Variants in FRMD4A observed in about 807,000 individuals in gnomAD.
The protein encoded by FRMD4A is FERM domain containing 4A, also known as FERM domain-containing protein 4A.
FRMD4A carries 29 observed loss-of-function variants against 129.1 expected under a neutral mutation model. That is an observed-to-expected ratio of 0.22 (90% CI 0.17 to 0.31). The LOEUF is 0.31. Among genes scored for constraint, FRMD4A ranks in the 10% least tolerant of loss-of-function variants. The pLI is 1.00. For synonymous variants in FRMD4A, 634 were observed against 571.6 expected, an observed-to-expected ratio of 1.11 and a Z score of -1.56; for missense variants, 1,272 against 1,375.8, an observed-to-expected ratio of 0.92 and a Z score of 1.19.
intron 2 of FRMD4A, among the ~76,000 whole-genome samples, chr10:14,164,974 C>T (rs980776307): frequency 6.6e-5 from 10 of 152,006 alleles, no homozygotes; most frequent in African/African-American, 2.4e-4. Context: ...CCCAGGAAAC[C>T]CAAAAGATTG....
intron 2 of FRMD4A, among the ~76,000 whole-genome samples, chr10:14,209,656 G>A (rs1191324478): frequency 2.0e-5 from 3 of 150,816 alleles, no homozygotes; most frequent in Non-Finnish European, 2.9e-5. Flanking sequence ...AGGAGGCGGA[G>A]CTTGCAGTGA....
At chr10:13,964,635 T>G (rs942962307) in intron 2 of FRMD4A, among the ~76,000 whole-genome samples, 3 of 152,064 alleles carry the variant, frequency 2.0e-5, no homozygotes, top group Non-Finnish European at 4.4e-5. Flanking sequence ...AAGTGAGATA[T>G]TTTAATTGTC....
intron 2 of FRMD4A, among the ~76,000 whole-genome samples, chr10:14,092,844 A>G (rs1836735467): frequency 6.6e-6 from 1 of 152,208 alleles, no homozygotes; most frequent in Non-Finnish European, 1.5e-5. Flanking sequence ...GCAAGATAGG[A>G]CTAGATGAGG....
chr10:14,175,124 A>C (rs1589128731), intron 2 of FRMD4A, among the ~76,000 whole-genome samples: 1 of 152,210 alleles, frequency 6.6e-6, no homozygotes, highest in East Asian at 1.9e-4. Flanking sequence ...ATAATTCAAC[A>C]TCTCTACTTC....
At chr10:13,779,385 C>T (rs1397200452) in intron 6 of FRMD4A, among the ~76,000 whole-genome samples, 1 of 152,060 alleles carries the variant, frequency 6.6e-6, no homozygotes, top group African/African-American at 2.4e-5. Context: ...AAATTCCTTA[C>T]TGAGATCACA....
At chr10:14,271,904 T>C (rs1388428917) in intron 2 of FRMD4A, among the ~76,000 whole-genome samples, 1 of 152,190 alleles carries the variant, frequency 6.6e-6, no homozygotes, top group East Asian at 1.9e-4. Context: ...TTATGAAGTC[T>C]TATCAGTGGA....
intron 15 of FRMD4A, among the ~76,000 whole-genome samples, chr10:13,688,028 A>G (rs1589379819): frequency 6.6e-6 from 1 of 152,164 alleles, no homozygotes; most frequent in Admixed American, 6.6e-5. Flanking sequence ...CCTGATCTCA[A>G]GCCTTAACCA....
At chr10:14,212,457 C>A (rs1300947605) in intron 2 of FRMD4A, among the ~76,000 whole-genome samples, 2 of 152,058 alleles carry the variant, frequency 1.3e-5, no homozygotes, top group Non-Finnish European at 2.9e-5. Context: ...CTCATTTCCC[C>A]CTTAATGGAA....
chr10:13,772,874 C>A (rs534693382), intron 6 of FRMD4A, among the ~76,000 whole-genome samples: 2 of 151,972 alleles, frequency 1.3e-5, no homozygotes, highest in Non-Finnish European at 2.9e-5. Context: ...ATGAATAAGA[C>A]CTAGTATTTG....
At chr10:14,209,673 AT>A (rs1032694360) in intron 2 of FRMD4A, among the ~76,000 whole-genome samples, 1 of 146,912 alleles carries the variant, frequency 6.8e-6, no homozygotes, top group Admixed American at 7.0e-5. Context: ...GTGAGCTGAG[AT>A]TGTGCCATTG....
At chr10:13,889,265 T>A (rs900794134) in intron 2 of FRMD4A, among the ~76,000 whole-genome samples, 2 of 152,236 alleles carry the variant, frequency 1.3e-5, no homozygotes, top group African/African-American at 4.8e-5. Flanking sequence ...ACTTTTTGCA[T>A]CCACTCCTTA....
chr10:14,301,622 AT>A lies in FRMD4A; in HGVS notation c.45+28435del, dbSNP rs571546393. ...TTCTGCATCTAATGATTTCTGTTGGATTTTTTTTCATTTGCATTATCTTCTT... is the reference window on the plus strand; with the variant it reads ...TTCTGCATCTAATGATTTCTGTTGGATTTTTTTCATTTGCATTATCTTCTT... On this transcript the variant is annotated intron_variant, in intron 2 of 24. Coordinates refer to ENST00000357447, the MANE Select transcript of FRMD4A (RefSeq NM_018027.5). Among the ~76,000 whole-genome samples the A allele has an allele frequency of 9.2e-5, 14 of 152,130 alleles. No individual in the cohort carries two copies. In the South Asian group the frequency reaches 1.2e-3, roughly 14 times the overall value.
rs551011444 is a variant in FRMD4A at position 13,904,992 on chromosome 10, C to CAAAG, written c.46-46081_46-46080insCTTT. ...TGGGCGACAGAGTGAGACTCTATCT[C>CAAAG]AAAAAAAAAAAAAAAAAAGAAAAGA... On this transcript the variant is annotated intron_variant, in intron 2 of 24. Transcript: ENST00000357447. 4.1e-4 allele frequency among the ~76,000 whole-genome samples: 45 copies of CAAAG among 109,430 alleles called. 5 individuals are homozygous for CAAAG. The highest frequency in any genetic ancestry group is 7.6e-4 in the East Asian group (3 of 3,934). 71.8% of individuals were successfully genotyped at this position (109,430 alleles called of 152,430 possible). A position where few individuals can be genotyped will look rare whatever the true frequency, so the allele number is the denominator to read the frequency against.
At chr10:13,893,894 C>G (rs2094728780) in intron 2 of FRMD4A, among the ~76,000 whole-genome samples, 1 of 152,362 alleles carries the variant, frequency 6.6e-6, no homozygotes, top group African/African-American at 2.4e-5. Flanking sequence ...CTCCTGCTTT[C>G]CGCCTTGGCC....
At chr10:13,940,036 C>T (rs2095278984) in intron 2 of FRMD4A, among the ~76,000 whole-genome samples, 1 of 152,038 alleles carries the variant, frequency 6.6e-6, no homozygotes, top group South Asian at 2.1e-4. Context: ...AAGTCCGGTC[C>T]ACCATGAGCC....
chr10:14,199,000 G>T (rs1211615469), intron 2 of FRMD4A, among the ~76,000 whole-genome samples: 5 of 151,912 alleles, frequency 3.3e-5, no homozygotes, highest in Non-Finnish European at 7.4e-5. Flanking sequence ...ATTATTTATG[G>T]TTACATTTAA....
intron 3 of FRMD4A, among the ~76,000 whole-genome samples, chr10:13,852,750 C>T (rs551004329): frequency 5.8e-4 from 88 of 152,058 alleles, no homozygotes; most frequent in Non-Finnish European, 9.7e-4. Context: ...ACACAGCTGG[C>T]GTGTGATTTA....
At chr10:13,700,111 C>CTT (rs113984358) in intron 14 of FRMD4A, among the ~76,000 whole-genome samples, 1 of 149,432 alleles carries the variant, frequency 6.7e-6, no homozygotes, top group African/African-American at 2.5e-5. Flanking sequence ...CTCTTTTCTT[C>CTT]TTTTTTTTTT....
chr10:13,737,611 C>T lies in FRMD4A; in HGVS notation c.759+233G>A, dbSNP rs140925494. Among the ~76,000 whole-genome samples the T allele has an allele frequency of 7.0e-4, 107 of 152,034 alleles. 1 individual carries two copies. The highest frequency in any genetic ancestry group is 2.5e-3 in the African/African-American group (104 of 41,440). On this transcript the variant is annotated intron_variant, in intron 12 of 24. Transcript: ENST00000357447. ...GGGGAGAACTGAGCCAGTCATCTCA[C>T]CTTAAGTAATTATAACAGCTTAGAT...
Sources: allele counts gnomAD v4.1 joint callset (sites outside exome capture counted in the v4.1 genomes callset), GRCh38; gene constraint gnomAD v4.1.1; transcripts MANE v1.5; gene names NCBI Gene and HGNC (gene_info 2026-07-23, HGNC 2026-07-21).